The following SPNS3 variants were observed in gnomAD, a reference collection of about 807,000 sequenced individuals.
SPNS3 encodes the protein SPNS lysolipid transporter 3, sphingosine-1-phosphate (putative), also known as protein spinster homolog 3.
In SPNS3, 51 loss-of-function variants were observed where a neutral mutation model predicts 54.4. That is an observed-to-expected ratio of 0.94 (90% CI 0.75 to 1.18). SPNS3 has a LOEUF of 1.18. Among genes scored for constraint, SPNS3 ranks in the 50% most tolerant of loss-of-function variants. The pLI, the probability that SPNS3 is intolerant of heterozygous loss-of-function variation, is 0.00. For missense variants in SPNS3, 669 were observed against 677.4 expected, an observed-to-expected ratio of 0.99 and a Z score of 0.14; for synonymous variants, 309 against 294.7, an observed-to-expected ratio of 1.05 and a Z score of -0.50.
chr17:4,453,340 A>G, intron 8 of SPNS3, 135 bp downstream of exon 8: 1 of 839,040 alleles, frequency 1.2e-6, no homozygotes, highest in Non-Finnish European at 1.8e-6. Context: ...TGTTATCCCC[A>G]TTTTACAGAT....
intron 8 of SPNS3, among the ~76,000 whole-genome samples, chr17:4,474,102 TTG>T (rs1971927134): frequency 1.3e-5 from 2 of 152,340 alleles, no homozygotes; most frequent in South Asian, 4.1e-4. Flanking sequence ...CAGGTGTCTG[TTG>T]GCTGGCAGCA....
chr17:4,475,516 A>G (rs901536396), intron 8 of SPNS3, among the ~76,000 whole-genome samples: 1 of 152,120 alleles, frequency 6.6e-6, no homozygotes, highest in Non-Finnish European at 1.5e-5. Flanking sequence ...GGACCCCCCA[A>G]CCCCAGCGTC....
intron 8 of SPNS3, among the ~76,000 whole-genome samples, chr17:4,462,016 G>T (rs1176318327): frequency 6.6e-6 from 1 of 151,848 alleles, no homozygotes; most frequent in East Asian, 1.9e-4. Context: ...GTGTCCAGAG[G>T]GTGCTGAGGA....
intron 1 of SPNS3, among the ~76,000 whole-genome samples, chr17:4,436,031 G>A (rs943393124): frequency 6.6e-6 from 1 of 152,182 alleles, no homozygotes; most frequent in Non-Finnish European, 1.5e-5. Flanking sequence ...CTAACTGTGG[G>A]CAGGACCCCC....
chr17:4,463,491 G>T (rs936984734), intron 8 of SPNS3, among the ~76,000 whole-genome samples: 1 of 150,202 alleles, frequency 6.7e-6, no homozygotes, highest in Non-Finnish European at 1.5e-5. Flanking sequence ...ACTTTGGGAG[G>T]TCAAGGTGGG....
chr17:4,446,431 G>T (rs1597308240), intron 4 of SPNS3, among the ~76,000 whole-genome samples: 1 of 152,286 alleles, frequency 6.6e-6, no homozygotes, highest in Non-Finnish European at 1.5e-5. Context: ...AGGTGATGAG[G>T]ATGTGCCGTA....
At chr17:4,480,046 C>A (rs570351817) in intron 9 of SPNS3, among the ~76,000 whole-genome samples, 7 of 152,380 alleles carry the variant, frequency 4.6e-5, no homozygotes, top group South Asian at 4.1e-4. Context: ...TGTCAACAAA[C>A]CCTGCTTGAA....
In SPNS3 at chr17:4,449,243, T is replaced by G. The variant is rs766421244; in HGVS notation, c.779T>G (p.Phe260Cys). ...DVRYLGKNWS[F>C]VWSTLGVTAM... ...GGCACCTCGTCTTGCAGCTGGAGTTTCGTGTGGTCGACCCTCGGAGTGACC... is the reference window on the plus strand; with the variant it reads ...GGCACCTCGTCTTGCAGCTGGAGTTGCGTGTGGTCGACCCTCGGAGTGACC... The change falls in exon 7 of 12, where the codon TTC becomes TGC. Residue 260 changes from phenylalanine to cysteine, a missense_variant. Physicochemically the swap from Phe to Cys is radical, Grantham distance 205 (BLOSUM62 -2). Coordinates refer to ENST00000355530, the MANE Select transcript of SPNS3 (RefSeq NM_182538.5). 24 of 1,610,646 alleles carry G rather than the reference T, an allele frequency of 1.5e-5. 1 individual carries two copies. The South Asian group carries it at 2.3e-4, about 16-fold the overall frequency.
chr17:4,448,448 A>G, intron 6 of SPNS3, 145 bp downstream of exon 6: 1 of 768,592 alleles, frequency 1.3e-6, no homozygotes, highest in South Asian at 2.7e-5. Context: ...GATCGCACTT[A>G]CCAACTGAAG....
At chr17:4,445,356 A>G (rs1378408353) in intron 3 of SPNS3, among the ~76,000 whole-genome samples, 188 bp downstream of exon 3, 5 of 148,564 alleles carry the variant, frequency 3.4e-5, no homozygotes, top group African/African-American at 9.9e-5. Flanking sequence ...CTGAGTCTGC[A>G]CAGGGCAGAG....
chr17:4,476,561 G>A (rs1019728298), intron 8 of SPNS3, among the ~76,000 whole-genome samples: 2 of 152,210 alleles, frequency 1.3e-5, no homozygotes, highest in Admixed American at 6.5e-5. Context: ...AGAAGTCAGA[G>A]GGAGATGGGT....
At chr17:4,444,867 C>T in intron 2 of SPNS3, 165 bp from the exon 3 acceptor site, 1 of 832,030 alleles carries the variant, frequency 1.2e-6, no homozygotes, top group Non-Finnish European at 1.9e-6. Context: ...GCATGTTGGC[C>T]ACGCACTGTG....
In SPNS3 at chr17:4,486,027, G is replaced by T. The variant is rs1972303035; in HGVS notation, c.1180-201G>T. ...TCAGGGGCCTTGGCACCCCCATCCTGGGGCACTGGGGAAGCTTCAGATGGG... is the reference window on the plus strand; with the variant it reads ...TCAGGGGCCTTGGCACCCCCATCCTTGGGCACTGGGGAAGCTTCAGATGGG... On this transcript the variant is annotated intron_variant, in intron 9 of 11. Coordinates refer to ENST00000355530, the MANE Select transcript of SPNS3 (RefSeq NM_182538.5). The surrounding 1 kb of genome is among the most constrained non-coding windows in gnomAD (Gnocchi z 5.5). The T allele has an allele frequency of 8.3e-6, 4 of 483,234 alleles. No individual in the cohort carries two copies. The highest frequency in any genetic ancestry group is 1.4e-5 in the Non-Finnish European group (4 of 278,854). The allele number at this position is 483,234 out of a possible 1,614,324, so 29.9% of individuals were successfully genotyped here.
rs1412950028 is a variant in SPNS3, at chr17:4,448,173, G to C, written c.640G>C (p.Ala214Pro). The C allele has an allele frequency of 6.3e-7, 1 of 1,599,220 alleles. No homozygotes were observed. Among genetic ancestry groups the C allele is most frequent in the Non-Finnish European group, 8.5e-7 (1 of 1,173,696 alleles). ...TCCCCAGGTCATGCCCTGCCTGGAG[G>C]CCGTGGCCTTGATCCTGCTTATCCT... is the stretch of plus-strand genomic sequence containing the variant. ...WALRVMPCLE[A>P]VALILLILLV... Residue 214 changes from alanine to proline, a missense_variant, in exon 6 of 12, where the codon GCC becomes CCC. Ala to Pro is a conservative substitution (Grantham distance 27, BLOSUM62 -1). Coordinates refer to ENST00000355530, the MANE Select transcript of SPNS3 (RefSeq NM_182538.5).
chr17:4,458,842 C>T (rs1440249403), intron 8 of SPNS3, among the ~76,000 whole-genome samples: 3 of 151,652 alleles, frequency 2.0e-5, no homozygotes, highest in African/African-American at 4.8e-5. Flanking sequence ...TCTGACACCA[C>T]CTCCCTTCCC....
intron 8 of SPNS3, among the ~76,000 whole-genome samples, chr17:4,478,163 G>A (rs1972059008): frequency 6.6e-6 from 1 of 151,662 alleles, no homozygotes; most frequent in Admixed American, 6.6e-5. Context: ...GTAGAGATGG[G>A]GTTTTACCAT....
intron 2 of SPNS3, among the ~76,000 whole-genome samples, chr17:4,440,258 G>A (rs1413633759): frequency 2.6e-5 from 4 of 152,182 alleles, no homozygotes; most frequent in Non-Finnish European, 5.9e-5. Flanking sequence ...GGGTCATGAG[G>A]CGTTAGCTTT....
chr17:4,468,769 CTT>C (rs745571793), intron 8 of SPNS3, among the ~76,000 whole-genome samples: 1,378 of 64,664 alleles, frequency 0.021, 14 homozygotes, highest in African/African-American at 0.059. Context: ...TTCTCTCTTT[CTT>C]TTTCTTTCTT....
chr17:4,459,226 G>T (rs1366406229), intron 8 of SPNS3, among the ~76,000 whole-genome samples: 2 of 152,146 alleles, frequency 1.3e-5, no homozygotes, highest in Non-Finnish European at 2.9e-5. Flanking sequence ...TGTGAGTTTA[G>T]CAGGGTCCAG....
Sources: gnomAD v4.1 joint callset for allele counts (sites outside exome capture counted in the v4.1 genomes callset) on GRCh38, gnomAD v4.1.1 for gene constraint, Gnocchi (gnomAD v3.1) non-coding constraint, MANE v1.5 for transcripts, NCBI Gene and HGNC (gene_info 2026-07-23, HGNC 2026-07-21) for gene names.